DGKB: variants seen among roughly 807,000 people sequenced by gnomAD.
DGKB encodes diacylglycerol kinase beta.
DGKB carries 67 observed loss-of-function variants against 114.3 expected under a neutral mutation model. The ratio of observed to expected loss-of-function variants is 0.59; its 90% CI spans 0.48 to 0.72. DGKB has a LOEUF of 0.72. Among genes scored for constraint, DGKB ranks in the 30% least tolerant of loss-of-function variants. DGKB has a pLI of 0.00. For missense variants in DGKB, 907 were observed against 975.2 expected (o/e 0.93, Z 0.93); for synonymous variants, 398 against 323.1 (o/e 1.23, Z -2.49).
intron 14 of DGKB, among the ~76,000 whole-genome samples, chr7:14,622,281 C>T (rs2056585220): frequency 6.6e-6 from 1 of 152,066 alleles, no homozygotes; most frequent in African/African-American, 2.4e-5. Flanking sequence ...TCCTTCACAA[C>T]TTCGCCCTCA....
chr7:14,519,396 T>C lies in DGKB; in HGVS notation c.1771-41171A>G, dbSNP rs566268502. Among the ~76,000 whole-genome samples the C allele has an allele frequency of 7.2e-5, 11 of 152,228 alleles. No homozygotes were observed. The South Asian group carries it at 2.1e-3, about 29-fold the overall frequency. On this transcript the variant is annotated intron_variant, in intron 20 of 25. Transcript: ENST00000402815. ...TCACTTACTATGATGCTTGTGAGGTTCTACCATGTTATAGCACATAGCAAT... is the reference window on the plus strand; with the variant it reads ...TCACTTACTATGATGCTTGTGAGGTCCTACCATGTTATAGCACATAGCAAT...
chr7:14,569,216 T>C (rs997084428), intron 20 of DGKB, among the ~76,000 whole-genome samples: 1 of 152,162 alleles, frequency 6.6e-6, no homozygotes, highest in Admixed American at 6.5e-5. Flanking sequence ...GAATAAATCT[T>C]TCAGGGAGGA....
intron 20 of DGKB, among the ~76,000 whole-genome samples, chr7:14,540,706 G>A (rs951991982): frequency 1.3e-5 from 2 of 152,006 alleles, no homozygotes; most frequent in African/African-American, 4.8e-5. Context: ...TTTATTTCAA[G>A]TTTTGTTTCA....
chr7:14,183,609 A>G (rs1782958510), intron 23 of DGKB, among the ~76,000 whole-genome samples: 1 of 152,222 alleles, frequency 6.6e-6, no homozygotes, highest in Non-Finnish European at 1.5e-5. Flanking sequence ...AAGACTCTCA[A>G]CAGTCCTTTG....
At chr7:14,555,409 T>C (rs1795735998) in intron 20 of DGKB, among the ~76,000 whole-genome samples, 1 of 152,162 alleles carries the variant, frequency 6.6e-6, no homozygotes, top group Non-Finnish European at 1.5e-5. Flanking sequence ...TCAGAATATT[T>C]TAATGGCATT....
At chr7:14,826,112 A>G (rs966882499) in intron 2 of DGKB, among the ~76,000 whole-genome samples, 1 of 152,164 alleles carries the variant, frequency 6.6e-6, no homozygotes, top group African/African-American at 2.4e-5. Context: ...TTGCAGTGAA[A>G]GTGAGCCAAG....
intron 20 of DGKB, among the ~76,000 whole-genome samples, chr7:14,519,906 C>T (rs1257805450): frequency 4.6e-5 from 7 of 151,722 alleles, no homozygotes; most frequent in Admixed American, 2.6e-4. Context: ...GATTGTTTCT[C>T]ATTATTATTA....
chr7:14,209,343 G>A (rs1021421394), intron 23 of DGKB: 10 of 404,468 alleles, frequency 2.5e-5, no homozygotes, highest in South Asian at 1.3e-4. Context: ...AGATATATAC[G>A]ACAAGATTGG....
At chr7:14,360,448 G>GTATATATATA (rs112459240) in intron 21 of DGKB, among the ~76,000 whole-genome samples, 1 of 146,968 alleles carries the variant, frequency 6.8e-6, no homozygotes, top group African/African-American at 2.5e-5. Flanking sequence ...AGAACTTAAA[G>GTATATATATA]TATATATATA....
chr7:14,313,633 G>A lies in DGKB; in HGVS notation c.2122+24882C>T, dbSNP rs544024858. ...CCGCACCTGGCTCGGAGGGTCCTAC[G>A]CCCACGGAGTCTCGCTGATTGCTAG... On this transcript the variant is annotated intron_variant, in intron 23 of 25. Coordinates refer to ENST00000402815, the MANE Select transcript of DGKB (RefSeq NM_001350709.2). 3.7e-4 allele frequency among the ~76,000 whole-genome samples: 56 copies of A among 152,016 alleles called. 2 individuals carry two copies. In the South Asian group the frequency reaches 9.5e-3, roughly 26 times the overall value.
chr7:14,849,307 T>C (rs1275527093), intron 1 of DGKB, among the ~76,000 whole-genome samples: 1 of 147,948 alleles, frequency 6.8e-6, no homozygotes. Context: ...AATTTGAATA[T>C]TTGTCCCCCT....
At chr7:14,221,674 C>G (rs1270011182) in intron 23 of DGKB, among the ~76,000 whole-genome samples, 1 of 151,290 alleles carries the variant, frequency 6.6e-6, no homozygotes, top group Non-Finnish European at 1.5e-5. Flanking sequence ...CATGATAATA[C>G]TGGCCTCATA....
intron 23 of DGKB, among the ~76,000 whole-genome samples, chr7:14,307,093 T>G (rs1458862580): frequency 1.3e-5 from 2 of 152,166 alleles, no homozygotes. Flanking sequence ...CTTTTCCACC[T>G]TATTTCTATT....
chr7:14,907,927 A>T (rs1783793243), upstream of DGKB, among the ~76,000 whole-genome samples: 1 of 152,218 alleles, frequency 6.6e-6, no homozygotes, highest in Non-Finnish European at 1.5e-5. Flanking sequence ...TAATTAAGGA[A>T]CCACAGAAAA....
intron 21 of DGKB, among the ~76,000 whole-genome samples, chr7:14,435,823 T>C (rs28427107): frequency 0.027 from 4,050 of 152,220 alleles, 198 homozygotes; most frequent in African/African-American, 0.092. Context: ...AGCAAGTTTA[T>C]TATTTACAAA....
chr7:14,540,761 C>T (rs913783217), intron 20 of DGKB, among the ~76,000 whole-genome samples: 1 of 152,002 alleles, frequency 6.6e-6, no homozygotes, highest in Non-Finnish European at 1.5e-5. Flanking sequence ...AGTAACAATG[C>T]CAACTACATA....
At chr7:14,257,415 C>G (rs950057428) in intron 23 of DGKB, among the ~76,000 whole-genome samples, 1 of 152,018 alleles carries the variant, frequency 6.6e-6, no homozygotes, top group Non-Finnish European at 1.5e-5. Context: ...ACCAAATAAA[C>G]CAACGGACTA....
intron 21 of DGKB, among the ~76,000 whole-genome samples, chr7:14,410,918 G>A (rs999540730): frequency 6.6e-6 from 1 of 152,078 alleles, no homozygotes; most frequent in Admixed American, 6.6e-5. Context: ...ACCTATGCTC[G>A]TTTGACTTAA....
At chr7:14,454,917 T>C (rs373245484) in intron 21 of DGKB, among the ~76,000 whole-genome samples, 513 of 152,192 alleles carry the variant, frequency 3.4e-3, no homozygotes, top group African/African-American at 0.011. Context: ...TCATAGGTGA[T>C]GAAATGGATG....
Sources: allele counts gnomAD v4.1 joint callset (sites outside exome capture counted in the v4.1 genomes callset), GRCh38; gene constraint gnomAD v4.1.1; transcripts MANE v1.5; gene names NCBI Gene and HGNC (gene_info 2026-07-23, HGNC 2026-07-21).